The following APBB2 variants were observed in gnomAD, a reference collection of about 807,000 sequenced individuals.
APBB2 encodes Fe65-like 1.
APBB2 carries 38 observed loss-of-function variants against 82.5 expected under a neutral mutation model. The observed-to-expected ratio is 0.46, with a 90% confidence interval of 0.36 to 0.60. APBB2 has a LOEUF of 0.60. APBB2 is among the 20% of genes least tolerant of loss of function. The pLI, the probability that APBB2 is intolerant of heterozygous loss-of-function variation, is 0.00. For missense variants in APBB2, 772 were observed against 972.3 expected (o/e 0.79, Z 2.74); for synonymous variants, 341 against 368.2 (o/e 0.93, Z 0.85).
intron 5 of APBB2, among the ~76,000 whole-genome samples, chr4:41,019,342 C>T (rs187301244): frequency 6.6e-6 from 1 of 152,236 alleles, no homozygotes; most frequent in African/African-American, 2.4e-5. Flanking sequence ...AGGGACAAGA[C>T]CGGACTGGAA....
intron 1 of APBB2, among the ~76,000 whole-genome samples, chr4:41,156,939 G>A (rs1763615699): frequency 6.6e-6 from 1 of 151,920 alleles, no homozygotes; most frequent in Non-Finnish European, 1.5e-5. Context: ...GGTGGTGTAC[G>A]CCTGCAATCC....
chr4:40,934,982 G>A, intron 8 of APBB2, 95 bp downstream of exon 8: 1 of 1,052,676 alleles, frequency 9.5e-7, no homozygotes, highest in Non-Finnish European at 1.4e-6. Flanking sequence ...TGTCCCTGCA[G>A]AATGCATGAT....
intron 10 of APBB2, among the ~76,000 whole-genome samples, chr4:40,907,379 A>ATTT (rs55814804): frequency 4.0e-4 from 15 of 37,388 alleles, no homozygotes; most frequent in African/African-American, 1.7e-3. Context: ...ATATATATAT[A>ATTT]TTTTTTTTTT....
chr4:40,821,565 A>G (rs2154295875), intron 17 of APBB2, among the ~76,000 whole-genome samples: 1 of 152,334 alleles, frequency 6.6e-6, no homozygotes, highest in African/African-American at 2.4e-5. Flanking sequence ...GTACCAACTC[A>G]TACACGACCA....
intron 3 of APBB2, among the ~76,000 whole-genome samples, chr4:41,097,294 ATATTCAGACCCATGAGCCTCC>A (rs1428570850): frequency 6.6e-6 from 1 of 152,226 alleles, no homozygotes; most frequent in African/African-American, 2.4e-5. Flanking sequence ...TTTTGAGCAC[ATATTCAGACCCATGAGCCTCC>A]TATTCAGAAT....
At chr4:41,171,795 C>G (rs569578859) in intron 1 of APBB2, among the ~76,000 whole-genome samples, 1 of 152,202 alleles carries the variant, frequency 6.6e-6, no homozygotes, top group East Asian at 1.9e-4. Flanking sequence ...CCCATCTCTA[C>G]CAAAAGTACA....
At chr4:40,847,918 G>A (rs998939282) in intron 12 of APBB2, among the ~76,000 whole-genome samples, 1 of 151,600 alleles carries the variant, frequency 6.6e-6, no homozygotes, top group African/African-American at 2.4e-5. Context: ...GCAATCCTCC[G>A]GCCTCAACCT....
intron 6 of APBB2, among the ~76,000 whole-genome samples, chr4:40,958,978 T>C (rs1253969298): frequency 2.0e-5 from 3 of 152,232 alleles, no homozygotes; most frequent in Non-Finnish European, 2.9e-5. Flanking sequence ...GCTTTATTAC[T>C]TTCTCCTCCA....
intron 4 of APBB2, among the ~76,000 whole-genome samples, chr4:41,038,620 C>G (rs1164234396): frequency 6.6e-6 from 1 of 152,224 alleles, no homozygotes; most frequent in Non-Finnish European, 1.5e-5. Flanking sequence ...TAAGACCCAA[C>G]TGATTCTAGA....
chr4:41,190,087 A>AT (rs5857782), intron 1 of APBB2, among the ~76,000 whole-genome samples: 4 of 151,808 alleles, frequency 2.6e-5, no homozygotes, highest in East Asian at 1.9e-4. Context: ...ACGTGCTATT[A>AT]TTTTTTTTCA....
chr4:41,183,870 C>T (rs769588007), intron 1 of APBB2, among the ~76,000 whole-genome samples: 46 of 151,978 alleles, frequency 3.0e-4, no homozygotes, highest in Non-Finnish European at 5.4e-4. Context: ...ATGATTCAAG[C>T]GCACTACAGT....
intron 2 of APBB2, among the ~76,000 whole-genome samples, chr4:41,103,641 A>G (rs1489438259): frequency 6.6e-6 from 1 of 152,174 alleles, no homozygotes; most frequent in Non-Finnish European, 1.5e-5. Context: ...AGAAAGAAAA[A>G]AAAAGCCAAC....
chr4:40,912,807 C>G (rs900326576), intron 10 of APBB2, among the ~76,000 whole-genome samples: 6 of 152,064 alleles, frequency 3.9e-5, no homozygotes, highest in Admixed American at 1.3e-4. Context: ...CCATGGAAGT[C>G]GAGGCCAAGA....
At chr4:41,086,460 T>C (rs1277444901) in intron 3 of APBB2, among the ~76,000 whole-genome samples, 1 of 152,208 alleles carries the variant, frequency 6.6e-6, no homozygotes, top group Non-Finnish European at 1.5e-5. Context: ...GAAAGGATTA[T>C]ACACCATGAT....
At chr4:40,853,392 C>A (rs545685979) in intron 12 of APBB2, among the ~76,000 whole-genome samples, 1 of 152,280 alleles carries the variant, frequency 6.6e-6, no homozygotes, top group East Asian at 1.9e-4. Context: ...TCTTCCAGCA[C>A]AAACCACTGG....
intron 6 of APBB2, among the ~76,000 whole-genome samples, chr4:40,946,931 G>A (rs1250455162): frequency 6.6e-6 from 1 of 152,196 alleles, no homozygotes; most frequent in African/African-American, 2.4e-5. Context: ...GGCCACGGAT[G>A]TGCATGCATG....
At chr4:40,840,868 G>T (rs780290915) in intron 12 of APBB2, among the ~76,000 whole-genome samples, 1 of 152,088 alleles carries the variant, frequency 6.6e-6, no homozygotes, top group Non-Finnish European at 1.5e-5. Flanking sequence ...ACATAAACAA[G>T]GAGGATAGGA....
At position 41,013,722 on chromosome 4, in the gene APBB2, G is replaced by C; in HGVS notation, c.696C>G (p.Thr232=). The stretch of plus-strand genomic sequence containing the variant: ...CCCCTGTTTTCGGATGATCCTTCTT[G>C]GTTTCTGGGCTGGATGACACTGTGG... The part of the protein sequence containing the change: ...QVATVSSSPE[T]KKDHPKTGAK... Residue 232 remains threonine (T), a synonymous_variant, in exon 6 of 18, where the codon ACC becomes ACG. Transcript: ENST00000508593. The C allele has an allele frequency of 6.2e-7, 1 of 1,614,162 alleles. No individual in the cohort carries two copies. The highest frequency in any genetic ancestry group is 8.5e-7 in the Non-Finnish European group (1 of 1,180,030).
chr4:41,058,290 TA>T (rs1170745934), intron 4 of APBB2, among the ~76,000 whole-genome samples: 2,464 of 140,420 alleles, frequency 0.018, 51 homozygotes, highest in African/African-American at 0.052. Flanking sequence ...AAGAGAGGTT[TA>T]AAAAAAAAAA....
Sources: allele counts gnomAD v4.1 joint callset (sites outside exome capture counted in the v4.1 genomes callset), GRCh38; gene constraint gnomAD v4.1.1; transcripts MANE v1.5; gene names NCBI Gene and HGNC (gene_info 2026-07-23, HGNC 2026-07-21).